Variants in DPP10 observed in about 807,000 individuals in gnomAD.
The protein encoded by DPP10 is dipeptidyl peptidase like 10, also known as inactive dipeptidyl peptidase 10.
DPP10 carries 33 observed loss-of-function variants against 120.9 expected under a neutral mutation model. That is an observed-to-expected ratio of 0.27 (90% CI 0.21 to 0.37). The LOEUF (loss-of-function observed/expected upper bound fraction) is 0.37, where lower values mean the gene tolerates loss of function less well. Among genes scored for constraint, DPP10 ranks in the 10% least tolerant of loss-of-function variants. The pLI is 1.00. For synonymous variants in DPP10, 337 were observed against 326.1 expected (o/e 1.03, Z -0.36); for missense variants, 816 against 942.8 (o/e 0.87, Z 1.76).
intron 1 of DPP10, among the ~76,000 whole-genome samples, chr2:114,878,760 A>G (rs1691363659): frequency 6.6e-6 from 1 of 152,026 alleles, no homozygotes; most frequent in Non-Finnish European, 1.5e-5. Flanking sequence ...AAATGAAAGG[A>G]TTTCATTCTT....
chr2:115,098,067 G>T (rs2048488733), intron 1 of DPP10, among the ~76,000 whole-genome samples: 1 of 152,142 alleles, frequency 6.6e-6, no homozygotes, highest in Admixed American at 6.6e-5. Flanking sequence ...TGCATCTGTA[G>T]AATTATTCCA....
chr2:115,214,763 A>G (rs2056720217), intron 1 of DPP10, among the ~76,000 whole-genome samples: 1 of 152,150 alleles, frequency 6.6e-6, no homozygotes, highest in Admixed American at 6.5e-5. Context: ...GATTTTCTGT[A>G]TCAACTCATC....
intron 1 of DPP10, among the ~76,000 whole-genome samples, chr2:115,296,192 G>C (rs1324604676): frequency 6.6e-6 from 1 of 152,060 alleles, no homozygotes; most frequent in Non-Finnish European, 1.5e-5. Flanking sequence ...GGTGGTGGTG[G>C]TGGTGAAGGA....
chr2:115,335,515 A>G (rs979969579), intron 2 of DPP10, among the ~76,000 whole-genome samples: 7 of 152,000 alleles, frequency 4.6e-5, no homozygotes, highest in South Asian at 2.1e-4. Flanking sequence ...TCAGCATCCT[A>G]GGGAAAGAAA....
intron 1 of DPP10, among the ~76,000 whole-genome samples, chr2:114,978,029 A>G (rs1699859633): frequency 6.6e-6 from 1 of 152,152 alleles, no homozygotes; most frequent in Non-Finnish European, 1.5e-5. Flanking sequence ...ATTCTACCAG[A>G]CATGACAAAA....
In DPP10 at chr2:115,843,892, T is replaced by C. The variant is rs1488502765; in HGVS notation, c.*1547T>C. On this transcript the variant is annotated 3_prime_UTR_variant, in exon 26 of 26. Transcript: ENST00000410059. ...GGACAGACTGAATTATCATAACTTA[T>C]GGCATCAGGAGGAAACTTTAAAATA... The C allele has an allele frequency of 2.0e-5, 3 of 152,638 alleles. No individual in the cohort carries two copies. The highest frequency in any genetic ancestry group is 2.4e-5 in the African/African-American group (1 of 41,470). 9.5% of individuals were successfully genotyped at this position (152,638 alleles called of 1,614,324 possible). A position where few individuals can be genotyped will look rare whatever the true frequency, so the allele number is the denominator to read the frequency against.
intron 1 of DPP10, among the ~76,000 whole-genome samples, chr2:114,936,404 C>T (rs1051665913): frequency 1.3e-5 from 2 of 151,194 alleles, no homozygotes. Context: ...CACATATACA[C>T]ATATATACAT....
At chr2:114,902,239 A>T (rs1314419698) in intron 1 of DPP10, among the ~76,000 whole-genome samples, 2 of 152,176 alleles carry the variant, frequency 1.3e-5, no homozygotes, top group African/African-American at 2.4e-5. Flanking sequence ...ATGCTATTGA[A>T]GTTGTTGATT....
chr2:115,542,434 A>T (rs1416225111), intron 5 of DPP10, among the ~76,000 whole-genome samples: 2 of 151,926 alleles, frequency 1.3e-5, no homozygotes, highest in Non-Finnish European at 2.9e-5. Flanking sequence ...TCCATTGCTG[A>T]GTAGTAGACA....
chr2:115,337,749 G>A (rs372970532), intron 2 of DPP10, among the ~76,000 whole-genome samples: 2 of 148,182 alleles, frequency 1.3e-5, no homozygotes, highest in East Asian at 4.1e-4. Context: ...TTCATTATGT[G>A]TATAAGGAAG....
At chr2:114,735,103 G>A (rs1558684863) in intron 1 of DPP10, among the ~76,000 whole-genome samples, 1 of 152,080 alleles carries the variant, frequency 6.6e-6, no homozygotes, top group African/African-American at 2.4e-5. Context: ...CTTTCTGAAA[G>A]CCCTATCTCC....
chr2:115,690,526 C>T (rs1477639754), intron 7 of DPP10, among the ~76,000 whole-genome samples: 2 of 152,142 alleles, frequency 1.3e-5, no homozygotes, highest in African/African-American at 4.8e-5. Flanking sequence ...AATTCTTGTG[C>T]TTCAGCCTCC....
intron 1 of DPP10, among the ~76,000 whole-genome samples, chr2:114,448,376 C>A (rs1005821459): frequency 6.6e-6 from 1 of 152,140 alleles, no homozygotes; most frequent in Admixed American, 6.6e-5. Context: ...TTAGTGAAGA[C>A]ATTCTTGATG....
At chr2:115,270,461 A>T (rs902877240) in intron 1 of DPP10, among the ~76,000 whole-genome samples, 1 of 152,134 alleles carries the variant, frequency 6.6e-6, no homozygotes, top group Non-Finnish European at 1.5e-5. Context: ...AGGCTTTCCC[A>T]TAGAGGTTAT....
At chr2:114,677,203 T>C (rs991810533) in intron 1 of DPP10, among the ~76,000 whole-genome samples, 1 of 152,118 alleles carries the variant, frequency 6.6e-6, no homozygotes, top group Non-Finnish European at 1.5e-5. Flanking sequence ...ACAGGCCATG[T>C]AGTGCAAATT....
At chr2:114,622,821 GT>G (rs1347836659) in intron 1 of DPP10, among the ~76,000 whole-genome samples, 1 of 152,110 alleles carries the variant, frequency 6.6e-6, no homozygotes, top group African/African-American at 2.4e-5. Context: ...CAAATGTCAA[GT>G]GACAGGGACA....
chr2:115,114,128 C>T (rs2049374975), intron 1 of DPP10, among the ~76,000 whole-genome samples: 1 of 152,098 alleles, frequency 6.6e-6, no homozygotes, highest in Non-Finnish European at 1.5e-5. Flanking sequence ...GCCAGCTCCC[C>T]AAACACTTAC....
intron 1 of DPP10, among the ~76,000 whole-genome samples, chr2:114,449,074 G>T (rs1469684009): frequency 6.6e-6 from 1 of 152,132 alleles, no homozygotes; most frequent in African/African-American, 2.4e-5. Flanking sequence ...GGGCCATCTG[G>T]TAATCAACAC....
intron 24 of DPP10, among the ~76,000 whole-genome samples, chr2:115,839,976 T>A (rs192971563): frequency 6.6e-6 from 1 of 152,258 alleles, no homozygotes; most frequent in East Asian, 1.9e-4. Flanking sequence ...GGTATTCTTT[T>A]CTAATTTTGA....
Sources: gnomAD v4.1 joint callset for allele counts (sites outside exome capture counted in the v4.1 genomes callset) on GRCh38, gnomAD v4.1.1 for gene constraint, MANE v1.5 for transcripts, NCBI Gene and HGNC (gene_info 2026-07-23, HGNC 2026-07-21) for gene names.